The following PLA2G4D variants were observed in gnomAD, a reference collection of about 807,000 sequenced individuals.
PLA2G4D encodes cytosolic phospholipase A2 delta.
PLA2G4D carries 80 observed loss-of-function variants against 94.4 expected under a neutral mutation model. The observed-to-expected ratio is 0.85, with a 90% confidence interval of 0.71 to 1.02. The LOEUF (loss-of-function observed/expected upper bound fraction) is 1.02, where lower values mean the gene tolerates loss of function less well. Among genes scored for constraint, PLA2G4D ranks in the 50% least tolerant of loss-of-function variants. The probability of loss-of-function intolerance (pLI) is 0.00; values close to 1 mark genes in which losing one functional copy is unlikely to be tolerated. For synonymous variants in PLA2G4D, 438 were observed against 440.9 expected (o/e 0.99, Z 0.08); for missense variants, 1,050 against 1,034.7 (o/e 1.01, Z -0.20).
At chr15:42,085,435 C>A (rs576165348) in intron 5 of PLA2G4D, 56 bp downstream of exon 5, 1 of 1,571,580 alleles carries the variant, frequency 6.4e-7, no homozygotes, top group East Asian at 2.2e-5. Context: ...GGGTCAGGGC[C>A]ATTTCCTCAG....
At chr15:42,072,004 G>T in intron 14 of PLA2G4D, 93 bp from the exon 15 acceptor site, 1 of 1,484,542 alleles carries the variant, frequency 6.7e-7, no homozygotes, top group Non-Finnish European at 9.2e-7. Context: ...GCCCCCAGCA[G>T]GCCTGAGCCC....
intron 12 of PLA2G4D, 106 bp downstream of exon 12, chr15:42,080,891 T>C (rs1024326803): frequency 1.6e-5 from 23 of 1,394,398 alleles, no homozygotes; most frequent in Non-Finnish European, 1.9e-5. Context: ...CAGATCACAA[T>C]GATCACACCT....
rs1315589558 is a variant in PLA2G4D at position 42,069,899 on chromosome 15, G to T, written c.2230+10C>A. On this transcript the variant is annotated intron_variant, in intron 19 of 19. Coordinates refer to ENST00000290472, the MANE Select transcript of PLA2G4D (RefSeq NM_178034.4). ...CAGGCAGCCTGGGTGCTTGGGAGGG[G>T]CTGCCTCACCGGGGGCTGAGTGGTC... 1.0e-5 allele frequency: 14 copies of T among 1,403,652 alleles called. No individual in the cohort carries two copies. Among genetic ancestry groups the T allele is most frequent in the Non-Finnish European group, 1.9e-6 (2 of 1,078,876 alleles). The allele number at this position is 1,403,652 out of a possible 1,614,324, so 86.9% of individuals were successfully genotyped here. A position where few individuals can be genotyped will look rare whatever the true frequency, so the allele number is the denominator to read the frequency against.
rs59899957 is a variant in PLA2G4D, at chr15:42,076,928, TATC to T, written c.1317+2606_1317+2608del. Among the ~76,000 whole-genome samples the T allele has an allele frequency of 1.7e-3, 259 of 152,318 alleles. 1 individual carries two copies. The highest frequency in any genetic ancestry group is 3.5e-3 in the Admixed American group (53 of 15,304). On this transcript the variant is annotated intron_variant, in intron 13 of 19. Transcript: ENST00000290472. Reference sequence around the variant, plus strand: ...TGTACAAAATTGTTCATGCAAATAATATCATATTTTTCTTAAGGATATATATGT... The same window carrying T: ...TGTACAAAATTGTTCATGCAAATAATATATTTTTCTTAAGGATATATATGT...
In PLA2G4D at chr15:42,084,397, T is replaced by C. The variant is rs903978235; in HGVS notation, c.472-618A>G. Among the ~76,000 whole-genome samples, 1 of 152,162 alleles carries C rather than the reference T, an allele frequency of 6.6e-6. No individual in the cohort carries two copies. The highest frequency in any genetic ancestry group is 1.5e-5 in the Non-Finnish European group (1 of 68,030). On this transcript the variant is annotated intron_variant, in intron 6 of 19. Transcript: ENST00000290472. The surrounding 1 kb of genome is among the most constrained non-coding windows in gnomAD (Gnocchi z 4.8). The stretch of plus-strand genomic sequence containing the variant: ...AGGCAGTGCCATCGGCTTGACTTTA[T>C]TTTCATGTGTATTTTTAAAAGTAAT...
Position 42,079,779 on chromosome 15 carries a change from G to T in PLA2G4D, c.1095-20C>A. The T allele has an allele frequency of 1.3e-6, 2 of 1,593,098 alleles. No homozygotes were observed. The highest frequency in any genetic ancestry group is 2.3e-5 in the South Asian group (2 of 87,292). On this transcript the variant is annotated intron_variant, in intron 12 of 19. Coordinates refer to ENST00000290472, the MANE Select transcript of PLA2G4D (RefSeq NM_178034.4). ...ATTGTCCTGGAAGAACGAGGGGACA[G>T]AACAGTAGGAGCCCGAGGCCCAGCA...
intron 12 of PLA2G4D, 110 bp from the exon 13 acceptor site, chr15:42,079,869 G>C (rs1340985185): frequency 3.9e-6 from 4 of 1,022,420 alleles, no homozygotes; most frequent in Non-Finnish European, 5.7e-6. Context: ...CTGCCACCAA[G>C]GCTCTGCCGA....
chr15:42,091,781 A>G (rs1395288490), intron 1 of PLA2G4D, among the ~76,000 whole-genome samples: 1 of 152,200 alleles, frequency 6.6e-6, no homozygotes, highest in East Asian at 1.9e-4. Flanking sequence ...GTAGTCAATT[A>G]GTGAAAGTAC....
At chr15:42,076,308 G>T (rs7166111) in intron 13 of PLA2G4D, among the ~76,000 whole-genome samples, 11,819 of 152,154 alleles carry the variant, frequency 0.078, 610 homozygotes, top group Middle Eastern at 0.13. Context: ...TAAATTCTGG[G>T]TGGATTAAAG....
chr15:42,081,222 C>T (rs957410827), intron 11 of PLA2G4D, 89 bp from the exon 12 acceptor site: 15 of 1,543,968 alleles, frequency 9.7e-6, no homozygotes, highest in Non-Finnish European at 1.2e-5. Context: ...TCCTTGTCTC[C>T]AGGGAAGGGA....
intron 8 of PLA2G4D, 49 bp from the exon 9 acceptor site, chr15:42,082,438 C>G (rs778927724): frequency 5.8e-6 from 8 of 1,380,524 alleles, no homozygotes; most frequent in Non-Finnish European, 8.3e-6. Context: ...TCAACAAATC[C>G]CTACTAAGTA....
rs1890303600 is a variant in PLA2G4D at position 42,094,537 on chromosome 15, C to T, written c.-78G>A. On this transcript the variant is annotated 5_prime_UTR_variant, in exon 1 of 20. An upstream open reading frame in the 5' UTR gains an earlier in-frame stop. Coordinates refer to ENST00000290472, the MANE Select transcript of PLA2G4D (RefSeq NM_178034.4). ...TCTGGCTGAGTGGCAGCGACGGTCC[C>T]AGTGGGATAGGACCAGCATGAATCT... The T allele has an allele frequency of 2.6e-6, 4 of 1,557,020 alleles. No homozygotes were observed. Among genetic ancestry groups the T allele is most frequent in the Non-Finnish European group, 3.5e-6 (4 of 1,132,562 alleles).
intron 3 of PLA2G4D, 123 bp from the exon 4 acceptor site, chr15:42,086,467 T>A: frequency 1.1e-6 from 1 of 888,458 alleles, no homozygotes; most frequent in Non-Finnish European, 1.7e-6. Context: ...ACGTCTGCGC[T>A]TCAAAATAAA....
Position 42,083,730 on chromosome 15 carries a change from G to A in PLA2G4D, c.521C>T (p.Thr174Ile), listed in dbSNP as rs144279282. 175 of 1,614,022 alleles carry A rather than the reference G, an allele frequency of 1.1e-4. 1 individual carries two copies. In the African/African-American group the frequency reaches 2.1e-3, roughly 20 times the overall value. Residue 174 changes from threonine (T) to isoleucine (I), a missense_variant, in exon 7 of 20, where the codon ACC becomes ATC. Coordinates refer to ENST00000290472, the MANE Select transcript of PLA2G4D (RefSeq NM_178034.4). ...LDVHLDSTGS[T>I]AVVADQDKLE... ...GCTGGTCTCACCTGCAACCACAGCG[G>A]TGCTCCCTGTGCTGTCCAGATGCAC...
intron 13 of PLA2G4D, 99 bp downstream of exon 13, chr15:42,079,438 G>T: frequency 8.4e-7 from 1 of 1,189,010 alleles, no homozygotes; most frequent in Non-Finnish European, 1.2e-6. Flanking sequence ...GCTCTTCCAC[G>T]CTGCAAGAAA....
In PLA2G4D at chr15:42,071,937, G is replaced by C. The variant is rs745537157; in HGVS notation, c.1436-26C>G. ...CTAATGGGGTGGGAAGGAGAGGCAGGAGTGTGAGGGGAGTGGATTGCGGGA... is the reference window on the plus strand; with the variant it reads ...CTAATGGGGTGGGAAGGAGAGGCAGCAGTGTGAGGGGAGTGGATTGCGGGA... On this transcript the variant is annotated intron_variant, in intron 14 of 19. Coordinates refer to ENST00000290472, the MANE Select transcript of PLA2G4D (RefSeq NM_178034.4). The C allele has an allele frequency of 3.7e-6, 6 of 1,611,464 alleles. 1 individual carries two copies. The highest frequency in any genetic ancestry group is 1.7e-4 in the Middle Eastern group (1 of 6,052).
At chr15:42,075,941 AGAAG>A (rs374838263) in intron 13 of PLA2G4D, among the ~76,000 whole-genome samples, 2,953 of 148,236 alleles carry the variant, frequency 0.02, 36 homozygotes, top group East Asian at 0.064. Flanking sequence ...GGGGAGAGGA[AGAAG>A]GAAGGAAGGA....
At chr15:42,072,165 G>GA in intron 14 of PLA2G4D, 110 bp downstream of exon 14, 2 of 1,111,836 alleles carry the variant, frequency 1.8e-6, no homozygotes. Flanking sequence ...TGCCCTTCCG[G>GA]AACATTGGGC....
At chr15:42,082,448 A>T in intron 8 of PLA2G4D, 59 bp from the exon 9 acceptor site, 2 of 1,248,500 alleles carry the variant, frequency 1.6e-6, no homozygotes, top group Non-Finnish European at 2.4e-6. Context: ...CCTACTAAGT[A>T]TCTAGACTAC....
Sources: gnomAD v4.1 joint callset for allele counts (sites outside exome capture counted in the v4.1 genomes callset) on GRCh38, gnomAD v4.1.1 for gene constraint, Gnocchi (gnomAD v3.1) non-coding constraint, MANE v1.5 for transcripts, NCBI Gene and HGNC (gene_info 2026-07-23, HGNC 2026-07-21) for gene names.